COL5A2: variants seen among roughly 807,000 people sequenced by gnomAD.
COL5A2 encodes collagen alpha-2(V) chain.
In COL5A2, 23 loss-of-function variants were observed where a neutral mutation model predicts 208.2. The observed-to-expected ratio is 0.11, with a 90% CI of 0.08 to 0.16. COL5A2 has a LOEUF of 0.16. Among genes scored for constraint, COL5A2 ranks in the 10% least tolerant of loss-of-function variants. The pLI, the probability that COL5A2 is intolerant of heterozygous loss-of-function variation, is 1.00. For synonymous variants in COL5A2, 625 were observed against 628.5 expected, an observed-to-expected ratio of 0.99 and a Z score of 0.08; for missense variants, 1,590 against 1,956.4, an observed-to-expected ratio of 0.81 and a Z score of 3.53.
At chr2:189,261,634 C>T in the COL5A2 span, among the ~76,000 whole-genome samples, 1 of 152,162 alleles carries the variant, frequency 6.6e-6, no homozygotes, top group African/African-American at 2.4e-5. Context: ...GGCTTCATGA[C>T]CCAGATTAGA....
intron 43 of COL5A2, among the ~76,000 whole-genome samples, chr2:189,049,895 A>G (rs534205947): frequency 4.6e-5 from 7 of 152,218 alleles, no homozygotes; most frequent in African/African-American, 1.7e-4. Context: ...CTTAGCTCCT[A>G]CTTTGTTGGT....
At chr2:189,198,285 C>T (rs1339075055) in intron 1 of COL5A2, among the ~76,000 whole-genome samples, 4 of 152,186 alleles carry the variant, frequency 2.6e-5, no homozygotes, top group Middle Eastern at 3.4e-3. Context: ...ATAAGTAATG[C>T]GCTGACAAGT....
chr2:189,189,945 G>A (rs1257024157), intron 1 of COL5A2, among the ~76,000 whole-genome samples: 1 of 152,020 alleles, frequency 6.6e-6, no homozygotes, highest in Admixed American at 6.6e-5. Context: ...ATTAAAACAT[G>A]TACATATCCA....
chr2:189,075,958 G>A (rs1025041673), intron 16 of COL5A2, among the ~76,000 whole-genome samples: 1 of 152,104 alleles, frequency 6.6e-6, no homozygotes, highest in African/African-American at 2.4e-5. Context: ...CTCAGCTAAA[G>A]GGAATTAGCT....
chr2:189,284,954 C>T, the COL5A2 span, among the ~76,000 whole-genome samples: 27 of 152,068 alleles, frequency 1.8e-4, no homozygotes, highest in African/African-American at 5.5e-4. Flanking sequence ...TGTTTTATTA[C>T]TTGATATGGG....
chr2:189,059,180 T>C (rs1461553012), intron 31 of COL5A2, among the ~76,000 whole-genome samples: 2 of 152,202 alleles, frequency 1.3e-5, no homozygotes, highest in African/African-American at 2.4e-5. Context: ...ATTAGTTTTT[T>C]AGAGGCAACA....
intron 1 of COL5A2, among the ~76,000 whole-genome samples, chr2:189,138,933 A>G (rs1687878509): frequency 1.3e-5 from 2 of 152,256 alleles, no homozygotes; most frequent in African/African-American, 4.8e-5. Flanking sequence ...TCTCCTATGC[A>G]GAATTGCAAA....
the COL5A2 span, among the ~76,000 whole-genome samples, chr2:189,436,932 T>C: frequency 9.2e-5 from 14 of 152,206 alleles, no homozygotes; most frequent in South Asian, 1.9e-3. Context: ...TGGGTTGATC[T>C]GTTCAGCAAA....
intron 31 of COL5A2, 23 bp from the exon 32 acceptor site, chr2:189,058,916 T>TA (rs1685961852): frequency 7.3e-7 from 1 of 1,363,534 alleles, no homozygotes; most frequent in African/African-American, 1.4e-5. Context: ...TTTTTTTTTT[T>TA]AATGGAACAA....
At chr2:189,094,030 A>G (rs1407422326) in intron 6 of COL5A2, among the ~76,000 whole-genome samples, 2 of 152,222 alleles carry the variant, frequency 1.3e-5, no homozygotes, top group African/African-American at 4.8e-5. Context: ...AACTATATTT[A>G]TTGTCAACAG....
At chr2:189,316,353 T>G in the COL5A2 span, among the ~76,000 whole-genome samples, 12 of 151,980 alleles carry the variant, frequency 7.9e-5, no homozygotes, top group African/African-American at 2.9e-4. Context: ...CATACTAATA[T>G]AGGAATAGAA....
At chr2:189,098,493 A>G (rs1381103747) in intron 5 of COL5A2, among the ~76,000 whole-genome samples, 2 of 152,240 alleles carry the variant, frequency 1.3e-5, no homozygotes, top group Non-Finnish European at 2.9e-5. Flanking sequence ...CTTTTACATA[A>G]CCAATAGCAA....
At chr2:189,283,216 G>A in the COL5A2 span, among the ~76,000 whole-genome samples, 1 of 151,268 alleles carries the variant, frequency 6.6e-6, no homozygotes, top group African/African-American at 2.4e-5. Flanking sequence ...AGGAAAGAAG[G>A]AAAGAAGGAA....
the COL5A2 span, among the ~76,000 whole-genome samples, chr2:189,354,775 C>A: frequency 6.6e-6 from 1 of 151,918 alleles, no homozygotes; most frequent in Non-Finnish European, 1.5e-5. Flanking sequence ...GTGTCTCTAT[C>A]TCCTTCAGTT....
the COL5A2 span, among the ~76,000 whole-genome samples, chr2:189,353,713 A>G: frequency 6.6e-6 from 1 of 152,202 alleles, no homozygotes; most frequent in Non-Finnish European, 1.5e-5. Flanking sequence ...TTTTCTAAAT[A>G]TACAATCATG....
rs1027344598 is a variant in COL5A2, at chr2:189,193,125, A to C, written c.-42+32023T>G. On this transcript the variant is annotated intron_variant, in intron 1 of 10. Coordinates refer to the COL5A2 transcript ENST00000649966. ...CTCAGCCTCAAGAACCATGCCAATA[A>C]ATTTCTGTTCATTATAAATTACCCA... Among the ~76,000 whole-genome samples, 3 of 152,214 alleles carry C rather than the reference A, an allele frequency of 2.0e-5. No homozygotes were observed. The East Asian group carries it at 5.8e-4, about 29-fold the overall frequency.
At chr2:189,360,068 A>G in the COL5A2 span, among the ~76,000 whole-genome samples, 1 of 151,858 alleles carries the variant, frequency 6.6e-6, no homozygotes, top group African/African-American at 2.4e-5. Context: ...TCTAATCTTT[A>G]TTATTTATTT....
rs898610396 is a variant in COL5A2 at position 189,036,675 on chromosome 2, T to G, written c.4054A>C (p.Ser1352Arg). The G allele has an allele frequency of 3.1e-6, 5 of 1,613,864 alleles. No homozygotes were observed. Among genetic ancestry groups the G allele is most frequent in the Non-Finnish European group, 4.2e-6 (5 of 1,179,758 alleles). Residue 1352 changes from serine to arginine, a missense_variant, in exon 52 of 54, where the codon AGT (serine) becomes CGT (arginine). Transcript: ENST00000374866. Reference sequence around the variant, plus strand: ...ACAGGTTTATTGTCAGGAGATTTACTGGCCCACCAGGTTTTACGTGGTACA... The same window carrying G: ...ACAGGTTTATTGTCAGGAGATTTACGGGCCCACCAGGTTTTACGTGGTACA... ...SSVPRKTWWA[S>R]KSPDNKPVWY...
chr2:189,097,213 C>A (rs1467678979), intron 6 of COL5A2, 64 bp downstream of exon 6: 17 of 1,512,222 alleles, frequency 1.1e-5, no homozygotes, highest in Non-Finnish European at 2.8e-6. Flanking sequence ...TTGCTGCATT[C>A]AGAGAACACA....
Sources: gnomAD v4.1 joint callset for allele counts (sites outside exome capture counted in the v4.1 genomes callset) on GRCh38, gnomAD v4.1.1 for gene constraint, MANE v1.5 for transcripts, NCBI Gene and HGNC (gene_info 2026-07-23, HGNC 2026-07-21) for gene names.